PTGER4: variants seen among roughly 807,000 people sequenced by gnomAD.
PTGER4 encodes the protein prostaglandin E receptor 4.
Under a neutral mutation model 33.2 loss-of-function variants are expected in PTGER4, and 11 were observed. The observed-to-expected ratio is 0.33, with a 90% CI of 0.21 to 0.55. The LOEUF (loss-of-function observed/expected upper bound fraction) is 0.55. PTGER4 is among the 20% of genes least tolerant of loss of function. The pLI is 0.92. For missense variants in PTGER4, 481 were observed against 650.2 expected, an observed-to-expected ratio of 0.74 and a Z score of 2.83; for synonymous variants, 275 against 281.5, an observed-to-expected ratio of 0.98 and a Z score of 0.23.
chr5:40,724,313 A>C, the PTGER4 span, among the ~76,000 whole-genome samples: 1 of 152,204 alleles, frequency 6.6e-6, no homozygotes, highest in African/African-American at 2.4e-5. Flanking sequence ...CGATATCTCT[A>C]AAACAGGCAA....
chr5:40,708,039 G>A, the PTGER4 span, among the ~76,000 whole-genome samples: 2 of 152,316 alleles, frequency 1.3e-5, no homozygotes, highest in Admixed American at 6.5e-5. Context: ...GCAGTGTGTA[G>A]AGGGAAATTT....
At chr5:40,716,397 C>A in the PTGER4 span, 1 of 1,613,946 alleles carries the variant, frequency 6.2e-7, no homozygotes, top group Non-Finnish European at 8.5e-7. Flanking sequence ...TCTGTGCTAC[C>A]TTCTGCTGCT....
chr5:40,705,635 A>G, the PTGER4 span, among the ~76,000 whole-genome samples: 1 of 152,216 alleles, frequency 6.6e-6, no homozygotes, highest in Non-Finnish European at 1.5e-5. Flanking sequence ...ACAAGAGAAA[A>G]ACAAACAACC....
the PTGER4 span, among the ~76,000 whole-genome samples, chr5:40,712,438 T>C: frequency 3.3e-5 from 5 of 152,288 alleles, no homozygotes; most frequent in East Asian, 9.6e-4. Flanking sequence ...CACAGACAGA[T>C]GGAGATTCAA....
At chr5:40,717,080 T>C in the PTGER4 span, among the ~76,000 whole-genome samples, 2 of 151,952 alleles carry the variant, frequency 1.3e-5, no homozygotes, top group South Asian at 4.2e-4. Context: ...AATACAAAAA[T>C]TAGCCAGGCA....
Position 40,682,660 on chromosome 5 carries a change from A to C in PTGER4, c.867+800A>C, listed in dbSNP as rs111502138. ...CAGGCTGATATACATAGGGTATGGG[A>C]TTTGAATTCTCGACAACTGTGCGAG... On this transcript the variant is annotated intron_variant, in intron 2 of 2. Transcript: ENST00000302472. Among the ~76,000 whole-genome samples, 431 of 152,310 alleles carry C rather than the reference A, an allele frequency of 2.8e-3. 1 individual carries two copies. The highest frequency in any genetic ancestry group is 0.01 in the African/African-American group (417 of 41,562).
At chr5:40,716,007 T>C in the PTGER4 span, 1 of 639,434 alleles carries the variant, frequency 1.6e-6, no homozygotes, top group East Asian at 2.8e-5. Context: ...CCTGCCATTT[T>C]AGTTTTTATA....
chr5:40,723,512 TAAAAAAA>T, the PTGER4 span, among the ~76,000 whole-genome samples: 1 of 143,708 alleles, frequency 7.0e-6, no homozygotes, highest in Non-Finnish European at 1.5e-5. Flanking sequence ...TAACTCAAAT[TAAAAAAA>T]AAAAAAAAAG....
chr5:40,735,355 C>T, the PTGER4 span, among the ~76,000 whole-genome samples: 8 of 151,776 alleles, frequency 5.3e-5, no homozygotes, highest in Non-Finnish European at 8.8e-5. Context: ...ATGAGATAAC[C>T]CTAGATAAGG....
chr5:40,722,801 G>A, the PTGER4 span, among the ~76,000 whole-genome samples: 2 of 150,542 alleles, frequency 1.3e-5, no homozygotes, highest in South Asian at 2.1e-4. Context: ...CCAGCCAGCC[G>A]CCCATCCGGG....
rs916785359 is a variant in PTGER4 at position 40,683,717 on chromosome 5, A to G, written c.867+1857A>G. Among the ~76,000 whole-genome samples, 3 of 152,198 alleles carry G rather than the reference A, an allele frequency of 2.0e-5. No homozygotes were observed. Among genetic ancestry groups the G allele is most frequent in the Non-Finnish European group, 4.4e-5 (3 of 68,028 alleles). On this transcript the variant is annotated intron_variant, in intron 2 of 2. Transcript: ENST00000302472. The surrounding 1 kb of genome is among the most constrained non-coding windows in gnomAD (Gnocchi z 4.2). ...TCTTCCAACATCTAGAGAGACATAC[A>G]AGGCTTAATTCACCTCATAGGCTGA...
At chr5:40,694,577 C>T (rs1194161693), downstream of PTGER4, among the ~76,000 whole-genome samples, 1 of 152,174 alleles carries the variant, frequency 6.6e-6, no homozygotes, top group Non-Finnish European at 1.5e-5. Flanking sequence ...CTTTCTGTGT[C>T]CTCAGATAGC....
the PTGER4 span, among the ~76,000 whole-genome samples, chr5:40,702,274 G>T: frequency 2.0e-5 from 3 of 152,166 alleles, no homozygotes; most frequent in Non-Finnish European, 2.9e-5. Context: ...CTGTCTTCAA[G>T]AGACCCATCT....
chr5:40,724,494 A>T, the PTGER4 span, among the ~76,000 whole-genome samples: 1 of 152,004 alleles, frequency 6.6e-6, no homozygotes, highest in Admixed American at 6.6e-5. Context: ...TTAGCCAGAC[A>T]TGGTGGCACA....
chr5:40,699,238 GAA>G, the PTGER4 span, among the ~76,000 whole-genome samples: 1 of 150,880 alleles, frequency 6.6e-6, no homozygotes, highest in Non-Finnish European at 1.5e-5. Flanking sequence ...TATAAAGGAT[GAA>G]AAGACATAGC....
At chr5:40,690,878 T>C (rs1403818776) in intron 2 of PTGER4, among the ~76,000 whole-genome samples, 2 of 152,254 alleles carry the variant, frequency 1.3e-5, no homozygotes, top group Admixed American at 6.5e-5. Flanking sequence ...AAGAACACTT[T>C]ATACATATGT....
chr5:40,727,068 A>G, the PTGER4 span, among the ~76,000 whole-genome samples: 4 of 152,184 alleles, frequency 2.6e-5, no homozygotes, highest in African/African-American at 9.6e-5. Context: ...ATTTTCTCAT[A>G]CAAATTCCTT....
At chr5:40,718,001 G>T in the PTGER4 span, among the ~76,000 whole-genome samples, 1 of 151,748 alleles carries the variant, frequency 6.6e-6, no homozygotes, top group Admixed American at 6.6e-5. Context: ...GGCGGAGGTT[G>T]CAGTGAGCCA....
At chr5:40,742,238 G>C in the PTGER4 span, among the ~76,000 whole-genome samples, 1 of 152,000 alleles carries the variant, frequency 6.6e-6, no homozygotes, top group Non-Finnish European at 1.5e-5. Flanking sequence ...TTGGATTTCA[G>C]CCTTATAAGA....
Sources: allele counts gnomAD v4.1 joint callset (sites outside exome capture counted in the v4.1 genomes callset), GRCh38; gene constraint gnomAD v4.1.1; non-coding constraint Gnocchi (gnomAD v3.1); transcripts MANE v1.5; gene names NCBI Gene and HGNC (gene_info 2026-07-23, HGNC 2026-07-21).